PI4KA: variants seen among roughly 807,000 people sequenced by gnomAD.
The protein encoded by PI4KA is PI4-kinase alpha.
PI4KA carries 122 observed loss-of-function variants against 271.4 expected under a neutral mutation model. That is an observed-to-expected ratio of 0.45 (90% CI 0.39 to 0.52). The LOEUF (loss-of-function observed/expected upper bound fraction) is 0.52. PI4KA is among the 20% of genes least tolerant of loss of function. The pLI, the probability that PI4KA is intolerant of heterozygous loss-of-function variation, is 0.00. For missense variants in PI4KA, 1,969 were observed against 2,769.1 expected (o/e 0.71, Z 6.48); for synonymous variants, 1,041 against 1,078.8 (o/e 0.96, Z 0.69).
chr22:20,727,938 G>A, intron 39 of PI4KA, 74 bp from the exon 40 acceptor site: 2 of 1,039,752 alleles, frequency 1.9e-6, no homozygotes, highest in Admixed American at 2.1e-5. Flanking sequence ...CTGGAGTGAG[G>A]GGAGCCAGGG....
intron 29 of PI4KA, among the ~76,000 whole-genome samples, chr22:20,747,322 C>T (rs551315621): frequency 6.6e-6 from 1 of 152,006 alleles, no homozygotes; most frequent in East Asian, 1.9e-4. Context: ...AAAATCTGAT[C>T]ACTGACATAT....
chr22:20,726,634 C>T (rs958833913), intron 41 of PI4KA, 93 bp from the exon 42 acceptor site: 11 of 1,152,370 alleles, frequency 9.5e-6, no homozygotes, highest in Non-Finnish European at 1.3e-5. Flanking sequence ...GCTCTGCCCA[C>T]AGCAGGGCTG....
In PI4KA at chr22:20,747,714, A is replaced by G; in HGVS notation, c.3244-12T>C. 1 of 1,611,890 alleles carries G rather than the reference A, an allele frequency of 6.2e-7. No homozygotes were observed. Among genetic ancestry groups the G allele is most frequent in the East Asian group, 2.2e-5 (1 of 44,818 alleles). On this transcript the variant is annotated splice_polypyrimidine_tract_variant and intron_variant, in intron 28 of 54. Coordinates refer to ENST00000255882, the MANE Select transcript of PI4KA (RefSeq NM_058004.4). ...TTGTTCAGATATTCCTGAAATAGGA[A>G]AAACACATGGGGTTTCAGTTATTTA...
chr22:20,838,641 T>C lies in PI4KA; in HGVS notation c.247A>G (p.Ile83Val). 2 of 1,608,250 alleles carry C rather than the reference T, an allele frequency of 1.2e-6. No homozygotes were observed. The highest frequency in any genetic ancestry group is 1.7e-6 in the Non-Finnish European group (2 of 1,174,692). ...RRRDAVIALG[I>V]FLIESDLQHK... ...TGAAGATCAGATTCAATCAGAAAAA[T>C]GCCCAATGCAATCACTGCATCTCTC... is the stretch of plus-strand genomic sequence containing the variant. Residue 83 changes from isoleucine to valine, a missense_variant, in exon 2 of 55, where the codon ATT becomes GTT. Transcript: ENST00000255882.
At chr22:20,808,964 C>T (rs2077719856) in intron 9 of PI4KA, among the ~76,000 whole-genome samples, 2 of 151,966 alleles carry the variant, frequency 1.3e-5, no homozygotes, top group Admixed American at 1.3e-4. Context: ...GGTGAGTGAG[C>T]AGGTGGAGAA....
intron 1 of PI4KA, among the ~76,000 whole-genome samples, chr22:20,847,904 A>G (rs1378546320): frequency 1.3e-5 from 2 of 152,238 alleles, no homozygotes; most frequent in Non-Finnish European, 2.9e-5. Flanking sequence ...AAATGGAAAG[A>G]CATCCCATGT....
At chr22:20,715,960 G>A (rs1429589835) in intron 45 of PI4KA, among the ~76,000 whole-genome samples, 1 of 151,830 alleles carries the variant, frequency 6.6e-6, no homozygotes, top group Non-Finnish European at 1.5e-5. Flanking sequence ...GTGCAATCTC[G>A]GCTCACTGCA....
At chr22:20,838,852 A>T (rs1333668649) in intron 1 of PI4KA, 121 bp from the exon 2 acceptor site, 3 of 621,048 alleles carry the variant, frequency 4.8e-6, no homozygotes, top group Admixed American at 3.0e-5. Context: ...CTGAGGTGGG[A>T]GGATAACTTG....
chr22:20,786,757 G>T, intron 19 of PI4KA: 2 of 1,054,798 alleles, frequency 1.9e-6, no homozygotes, highest in Admixed American at 1.8e-5. Context: ...GACCAGCTGT[G>T]ATTTCCACCT....
intron 51 of PI4KA, 151 bp from the exon 52 acceptor site, chr22:20,711,009 G>A (rs1364788460): frequency 2.4e-5 from 17 of 701,068 alleles, no homozygotes; most frequent in African/African-American, 2.3e-4. Context: ...ACAGTGATGG[G>A]GTGGGTGGTG....
intron 43 of PI4KA, among the ~76,000 whole-genome samples, chr22:20,720,819 G>C (rs181129367): frequency 6.6e-6 from 1 of 152,202 alleles, no homozygotes; most frequent in Non-Finnish European, 1.5e-5. Context: ...AACATGTAAT[G>C]AATGGGCTTA....
rs1455790858 is a variant in PI4KA at position 20,831,591 on chromosome 22, AAAAACAAAAACAAAAACAAAAAC to A, written c.367+2948_367+2970del. Reference sequence around the variant, plus strand: ...TCAAAACACAAACAAAAACAAAAACAAAAACAAAAACAAAAACAAAAACAAAACAAAACAAAAAGGCTGAATGT... The same window carrying A: ...TCAAAACACAAACAAAAACAAAAACAAAAACAAAACAAAAAGGCTGAATGT... On this transcript the variant is annotated intron_variant, in intron 3 of 54. Transcript: ENST00000255882. Among the ~76,000 whole-genome samples the A allele has an allele frequency of 3.3e-3, 376 of 112,410 alleles. 4 individuals carry two copies. Among genetic ancestry groups the A allele is most frequent in the Non-Finnish European group, 3.6e-3 (195 of 54,094 alleles). 73.7% of individuals were successfully genotyped at this position (112,410 alleles called of 152,430 possible).
chr22:20,837,567 G>A (rs1475213198), intron 2 of PI4KA, among the ~76,000 whole-genome samples: 1 of 151,928 alleles, frequency 6.6e-6, no homozygotes, highest in Non-Finnish European at 1.5e-5. Flanking sequence ...TCCAGGAGAT[G>A]GAAGCAACCT....
chr22:20,716,893 C>A (rs1481399597), intron 45 of PI4KA, among the ~76,000 whole-genome samples: 1 of 152,216 alleles, frequency 6.6e-6, no homozygotes, highest in Non-Finnish European at 1.5e-5. Flanking sequence ...CTGAGACCAG[C>A]CGCTGTGAAC....
intron 23 of PI4KA, among the ~76,000 whole-genome samples, chr22:20,755,796 T>C (rs1278845257): frequency 6.9e-6 from 1 of 145,014 alleles, no homozygotes; most frequent in Non-Finnish European, 1.5e-5. Context: ...AGCGACACAC[T>C]GTCACATAAA....
At chr22:20,722,902 T>A (rs1185290792) in intron 42 of PI4KA, among the ~76,000 whole-genome samples, 1 of 152,226 alleles carries the variant, frequency 6.6e-6, no homozygotes, top group Non-Finnish European at 1.5e-5. Context: ...TTTTTAAATA[T>A]AAGTTTGCTT....
At chr22:20,772,708 A>T (rs904935986) in intron 19 of PI4KA, among the ~76,000 whole-genome samples, 1 of 152,252 alleles carries the variant, frequency 6.6e-6, no homozygotes, top group Non-Finnish European at 1.5e-5. Flanking sequence ...CTTGAGGAGC[A>T]GTCTCTGTGA....
intron 19 of PI4KA, among the ~76,000 whole-genome samples, chr22:20,773,552 A>G (rs536003499): frequency 1.3e-5 from 2 of 152,274 alleles, no homozygotes; most frequent in African/African-American, 4.8e-5. Context: ...CTGGCAACAA[A>G]CACAGCAACC....
intron 43 of PI4KA, among the ~76,000 whole-genome samples, chr22:20,721,064 C>A (rs927599765): frequency 1.3e-5 from 2 of 152,212 alleles, no homozygotes; most frequent in African/African-American, 4.8e-5. Context: ...AAGGGTCTCA[C>A]TCGCACTTGG....
Sources: allele counts gnomAD v4.1 joint callset (sites outside exome capture counted in the v4.1 genomes callset), GRCh38; gene constraint gnomAD v4.1.1; transcripts MANE v1.5; gene names NCBI Gene and HGNC (gene_info 2026-07-23, HGNC 2026-07-21).